Variants in PRKCA observed in about 807,000 individuals in gnomAD.
PRKCA encodes the protein protein kinase C alpha, also known as protein kinase C alpha type.
Under a neutral mutation model 87.0 loss-of-function variants are expected in PRKCA, and 27 were observed. That is an observed-to-expected ratio of 0.31 (90% CI 0.23 to 0.43). The LOEUF is 0.43. Ranked by LOEUF, PRKCA falls within the 20% of genes least tolerant of loss-of-function variation. The probability of loss-of-function intolerance (pLI) is 1.00; values close to 1 mark genes in which losing one functional copy is unlikely to be tolerated. For missense variants in PRKCA, 518 were observed against 852.3 expected, an observed-to-expected ratio of 0.61 and a Z score of 4.88; for synonymous variants, 329 against 311.1, an observed-to-expected ratio of 1.06 and a Z score of -0.61.
intron 3 of PRKCA, among the ~76,000 whole-genome samples, chr17:66,516,851 G>A (rs1966985094): frequency 6.6e-6 from 1 of 152,116 alleles, no homozygotes. Context: ...GGCTTAACAA[G>A]AAATGCTAGC....
intron 5 of PRKCA, among the ~76,000 whole-genome samples, chr17:66,664,045 T>G (rs1971976814): frequency 6.6e-6 from 1 of 152,024 alleles, no homozygotes. Context: ...TTTTTGTATT[T>G]TTAGTAGAGA....
intron 2 of PRKCA, among the ~76,000 whole-genome samples, chr17:66,336,333 A>G (rs1906659710): frequency 1.3e-5 from 2 of 152,204 alleles, no homozygotes; most frequent in Admixed American, 1.3e-4. Flanking sequence ...TTGACATGCA[A>G]ACAAATATTG....
At chr17:66,398,746 G>A (rs1375875872) in intron 2 of PRKCA, among the ~76,000 whole-genome samples, 7 of 152,106 alleles carry the variant, frequency 4.6e-5, no homozygotes, top group African/African-American at 7.2e-5. Context: ...GGTGGGTGGC[G>A]TCGCGCTACT....
intron 13 of PRKCA, among the ~76,000 whole-genome samples, chr17:66,763,747 A>G (rs1235320502): frequency 6.6e-6 from 1 of 152,152 alleles, no homozygotes; most frequent in African/African-American, 2.4e-5. Context: ...ATTGGGCTCT[A>G]GGGGTTTGCT....
Position 66,302,772 on chromosome 17 carries a change from C to A in PRKCA, c.-80C>A, listed in dbSNP as rs1904572699. 19 of 1,322,770 alleles carry A rather than the reference C, an allele frequency of 1.4e-5. No individual in the cohort carries two copies. Among genetic ancestry groups the A allele is most frequent in the Non-Finnish European group, 1.8e-5 (18 of 1,015,700 alleles). 81.9% of individuals were successfully genotyped at this position (1,322,770 alleles called of 1,614,324 possible). A position where few individuals can be genotyped will look rare whatever the true frequency, so the allele number is the denominator to read the frequency against. On this transcript the variant is annotated 5_prime_UTR_variant, in exon 1 of 17. Coordinates refer to ENST00000413366, the MANE Select transcript of PRKCA (RefSeq NM_002737.3). Reference sequence around the variant, plus strand: ...GCCCGGGGTCGCCCCGAGCCCGCACCTCTCCCCCGCCGCCCCCGCCCACCC... The same window carrying A: ...GCCCGGGGTCGCCCCGAGCCCGCACATCTCCCCCGCCGCCCCCGCCCACCC...
chr17:66,348,231 C>T (rs2143404830), intron 2 of PRKCA, among the ~76,000 whole-genome samples: 1 of 152,078 alleles, frequency 6.6e-6, no homozygotes, highest in South Asian at 2.1e-4. Context: ...TGTGAGCCAC[C>T]ATGCCTGGCC....
intron 8 of PRKCA, among the ~76,000 whole-genome samples, chr17:66,690,969 C>T (rs1320708636): frequency 1.3e-5 from 2 of 151,976 alleles, no homozygotes; most frequent in African/African-American, 4.8e-5. Flanking sequence ...CATGGCGAAA[C>T]CCAGCCTCTA....
chr17:66,646,749 C>T (rs1971468388), intron 5 of PRKCA, among the ~76,000 whole-genome samples: 1 of 152,122 alleles, frequency 6.6e-6, no homozygotes, highest in Non-Finnish European at 1.5e-5. Flanking sequence ...AATGTTCTAA[C>T]CAGGGCTGTC....
At chr17:66,380,615 C>T (rs1909725639) in intron 2 of PRKCA, among the ~76,000 whole-genome samples, 1 of 152,116 alleles carries the variant, frequency 6.6e-6, no homozygotes, top group Non-Finnish European at 1.5e-5. Flanking sequence ...TAAATATATG[C>T]TAATTATGAT....
rs944140374 is a variant in PRKCA, at chr17:66,614,806, G to A, written c.289-26549G>A. On this transcript the variant is annotated intron_variant, in intron 3 of 16. Transcript: ENST00000413366. ...TGTGCTTACTGCCAAAAAGGGTTTA[G>A]GGATACATGTGTCGTACCATCCCAT... Among the ~76,000 whole-genome samples the A allele has an allele frequency of 5.9e-5, 9 of 152,184 alleles. No homozygotes were observed. The East Asian group carries it at 1.3e-3, about 23-fold the overall frequency.
chr17:66,318,745 C>T (rs1260043329), intron 2 of PRKCA, among the ~76,000 whole-genome samples: 2 of 151,850 alleles, frequency 1.3e-5, no homozygotes, highest in Non-Finnish European at 2.9e-5. Flanking sequence ...ATCCCAGTTA[C>T]TTGGGAGGCT....
chr17:66,753,501 G>A (rs1159490221), intron 13 of PRKCA, among the ~76,000 whole-genome samples: 1 of 152,166 alleles, frequency 6.6e-6, no homozygotes, highest in Non-Finnish European at 1.5e-5. Context: ...TACATTCTTA[G>A]GCCTCCACAT....
At chr17:66,754,647 G>T (rs1423033469) in intron 13 of PRKCA, among the ~76,000 whole-genome samples, 1 of 152,178 alleles carries the variant, frequency 6.6e-6, no homozygotes, top group Non-Finnish European at 1.5e-5. Flanking sequence ...AGGATCTGAA[G>T]AGGTGTTTGA....
intron 2 of PRKCA, among the ~76,000 whole-genome samples, chr17:66,370,231 T>A (rs1305712893): frequency 1.0e-5 from 1 of 95,864 alleles, no homozygotes; most frequent in Non-Finnish European, 2.2e-5. Context: ...TTTGATACTT[T>A]TTTTTTTTTT....
intron 2 of PRKCA, among the ~76,000 whole-genome samples, chr17:66,331,931 A>G (rs893273421): frequency 2.0e-5 from 3 of 152,238 alleles, no homozygotes; most frequent in African/African-American, 7.2e-5. Context: ...CCAAGACAAT[A>G]TAAACTACGC....
chr17:66,383,880 G>A (rs1598629142), intron 2 of PRKCA, among the ~76,000 whole-genome samples: 2 of 152,004 alleles, frequency 1.3e-5, no homozygotes, highest in East Asian at 1.9e-4. Flanking sequence ...AACCTGGGAG[G>A]CAGAGGTTGT....
intron 8 of PRKCA, among the ~76,000 whole-genome samples, chr17:66,690,895 G>A (rs984388327): frequency 2.0e-5 from 3 of 150,160 alleles, no homozygotes; most frequent in Non-Finnish European, 3.0e-5. Flanking sequence ...TGTGGTCTCA[G>A]CACTTTAAGA....
At chr17:66,448,875 A>T (rs561273800) in intron 2 of PRKCA, among the ~76,000 whole-genome samples, 8 of 151,968 alleles carry the variant, frequency 5.3e-5, no homozygotes, top group African/African-American at 1.9e-4. Context: ...AAAAAAATCT[A>T]AAAGTTTTTT....
At chr17:66,314,875 A>ATGTG (rs56889057) in intron 2 of PRKCA, among the ~76,000 whole-genome samples, 22,635 of 148,526 alleles carry the variant, frequency 0.15, 1,869 homozygotes, top group Middle Eastern at 0.3. Flanking sequence ...ATATATATAT[A>ATGTG]TGTGTGTGTG....
Sources: gnomAD v4.1 joint callset for allele counts (sites outside exome capture counted in the v4.1 genomes callset) on GRCh38, gnomAD v4.1.1 for gene constraint, MANE v1.5 for transcripts, NCBI Gene and HGNC (gene_info 2026-07-23, HGNC 2026-07-21) for gene names.